Variants in KDM4B observed in about 807,000 individuals in gnomAD.
The protein encoded by KDM4B is lysine demethylase 4B, also known as lysine-specific demethylase 4B.
Under a neutral mutation model 125.2 loss-of-function variants are expected in KDM4B, and 32 were observed. The ratio of observed to expected loss-of-function variants is 0.26; its 90% CI spans 0.19 to 0.34. The LOEUF (loss-of-function observed/expected upper bound fraction) is 0.34, where lower values mean the gene tolerates loss of function less well. Among genes scored for constraint, KDM4B ranks in the 10% least tolerant of loss-of-function variants. The probability of loss-of-function intolerance (pLI) is 1.00; values close to 1 mark genes in which losing one functional copy is unlikely to be tolerated. For missense variants in KDM4B, 1,190 were observed against 1,577.7 expected (o/e 0.75, Z 4.16); for synonymous variants, 721 against 677.9 (o/e 1.06, Z -0.99).
At chr19:5,084,275 ATGTAATTTATATG>A (rs1409807914) in intron 9 of KDM4B, among the ~76,000 whole-genome samples, 1 of 146,932 alleles carries the variant, frequency 6.8e-6, no homozygotes, top group East Asian at 1.9e-4. Flanking sequence ...TATATTATAT[ATGTAATTTATATG>A]TTATATATAA....
intron 3 of KDM4B, among the ~76,000 whole-genome samples, chr19:5,039,252 T>A (rs552617090): frequency 6.6e-6 from 1 of 152,330 alleles, no homozygotes; most frequent in African/African-American, 2.4e-5. Context: ...GAGACCAGCC[T>A]GTGCAACAAA....
chr19:5,017,442 C>T (rs1302143121), intron 2 of KDM4B, among the ~76,000 whole-genome samples: 2 of 152,164 alleles, frequency 1.3e-5, no homozygotes, highest in Non-Finnish European at 2.9e-5. Flanking sequence ...GAACAGAGGG[C>T]GTGGCCTGCG....
intron 1 of KDM4B, among the ~76,000 whole-genome samples, chr19:4,975,265 G>A (rs879639651): frequency 3.3e-5 from 5 of 152,198 alleles, no homozygotes; most frequent in Non-Finnish European, 7.3e-5. Context: ...CCGTGGGCGA[G>A]TGTGCCTGTG....
intron 6 of KDM4B, among the ~76,000 whole-genome samples, chr19:5,063,711 G>T (rs1016909137): frequency 6.6e-6 from 1 of 152,216 alleles, no homozygotes; most frequent in East Asian, 1.9e-4. Flanking sequence ...AGGTCCTCAG[G>T]TTCCTGTGAA....
At chr19:5,068,230 C>G (rs747001787) in intron 6 of KDM4B, among the ~76,000 whole-genome samples, 11 of 152,162 alleles carry the variant, frequency 7.2e-5, no homozygotes, top group Non-Finnish European at 1.2e-4. Context: ...GCTGAGACGC[C>G]CCTCTGGGAG....
chr19:5,090,954 C>T (rs971802716), intron 9 of KDM4B, among the ~76,000 whole-genome samples: 1 of 152,060 alleles, frequency 6.6e-6, no homozygotes, highest in Non-Finnish European at 1.5e-5. Context: ...TCCAAGGCGG[C>T]GGCTTCCTGT....
chr19:5,086,171 C>T, intron 9 of KDM4B, among the ~76,000 whole-genome samples: 1 of 152,160 alleles, frequency 6.6e-6, no homozygotes, highest in East Asian at 1.9e-4. Context: ...TGTTCACCTT[C>T]CTTGACCGCT....
intron 1 of KDM4B, among the ~76,000 whole-genome samples, chr19:4,989,383 GCTGGAGTGCAGTGGC>G (rs1408956980): frequency 6.6e-6 from 1 of 152,128 alleles, no homozygotes; most frequent in Non-Finnish European, 1.5e-5. Context: ...TGTCGCCCAG[GCTGGAGTGCAGTGGC>G]ACGATCTTGG....
intron 22 of KDM4B, among the ~76,000 whole-genome samples, chr19:5,150,723 G>T (rs964992119): frequency 1.3e-5 from 2 of 152,082 alleles, no homozygotes; most frequent in Non-Finnish European, 2.9e-5. Context: ...CCCTTATCAC[G>T]AATGCAGAAC....
At chr19:5,047,434 G>A in intron 5 of KDM4B, 42 bp from the exon 6 acceptor site, 2 of 1,560,520 alleles carry the variant, frequency 1.3e-6, no homozygotes, top group Non-Finnish European at 1.7e-6. Flanking sequence ...CAGGTTCTGG[G>A]GGTGGCCGGG....
intron 9 of KDM4B, among the ~76,000 whole-genome samples, chr19:5,094,133 G>A (rs1047801845): frequency 5.3e-5 from 8 of 152,138 alleles, no homozygotes; most frequent in African/African-American, 1.2e-4. Flanking sequence ...ATGGTCACGC[G>A]GCCCCTCCTC....
chr19:5,018,814 G>C (rs140241034), intron 2 of KDM4B, among the ~76,000 whole-genome samples: 173 of 152,350 alleles, frequency 1.1e-3, no homozygotes, highest in Non-Finnish European at 2.0e-3. Flanking sequence ...ATCGCGCACT[G>C]TGTGGCCTTT....
intron 9 of KDM4B, among the ~76,000 whole-genome samples, chr19:5,083,109 A>C (rs2038355428): frequency 6.6e-6 from 1 of 151,556 alleles, no homozygotes; most frequent in Non-Finnish European, 1.5e-5. Context: ...CCCTTGCTTG[A>C]TTTTTTTCTG....
rs755137841 is a variant in KDM4B, at chr19:5,132,019, G to T, written c.1906+12G>T. ...CTCAAGTGACGAGGGTGAGTGGGGG[G>T]TCCCCAGGTCGGCTCTCATCAGCCC... On this transcript the variant is annotated intron_variant, in intron 13 of 22. Coordinates refer to ENST00000159111, the MANE Select transcript of KDM4B (RefSeq NM_015015.3). 3 of 1,597,486 alleles carry T rather than the reference G, an allele frequency of 1.9e-6. No homozygotes were observed. The highest frequency in any genetic ancestry group is 1.3e-5 in the African/African-American group (1 of 74,678).
intron 2 of KDM4B, among the ~76,000 whole-genome samples, chr19:5,030,717 T>C (rs1388300513): frequency 1.3e-5 from 2 of 152,244 alleles, no homozygotes; most frequent in South Asian, 4.1e-4. Flanking sequence ...CCGTGTGGCC[T>C]AGGCCCACAA....
At chr19:5,007,476 A>T (rs1346201474) in intron 1 of KDM4B, among the ~76,000 whole-genome samples, 2 of 151,112 alleles carry the variant, frequency 1.3e-5, no homozygotes, top group Non-Finnish European at 2.9e-5. Context: ...CAAGTTCCTT[A>T]TCAGATAATG....
chr19:5,041,169 A>T lies in KDM4B; in HGVS notation c.350A>T (p.Asp117Val). ...ACCCCGCGGCACCAGGACTTTGATG[A>T]CCTTGAACGCAAATACTGGAAGAAC... is the stretch of plus-strand genomic sequence containing the variant. ...YCTPRHQDFD[D>V]LERKYWKNLT... The change falls in exon 5 of 23, where the codon GAC becomes GTC. Residue 117 changes from aspartate to valine, a missense_variant. Asp to Val is a radical substitution (Grantham distance 152). Coordinates refer to ENST00000159111, the MANE Select transcript of KDM4B (RefSeq NM_015015.3). 1 of 1,612,682 alleles carries T rather than the reference A, an allele frequency of 6.2e-7. No homozygotes were observed. The highest frequency in any genetic ancestry group is 8.5e-7 in the Non-Finnish European group (1 of 1,179,080).
chr19:5,104,747 A>G (rs901050496), intron 9 of KDM4B, among the ~76,000 whole-genome samples: 1 of 152,092 alleles, frequency 6.6e-6, no homozygotes, highest in Non-Finnish European at 1.5e-5. Context: ...ACACCCCCCA[A>G]AAATTAGAAA....
intron 2 of KDM4B, among the ~76,000 whole-genome samples, chr19:5,016,870 T>A (rs62114350): frequency 6.6e-6 from 1 of 151,946 alleles, no homozygotes; most frequent in Non-Finnish European, 1.5e-5. Flanking sequence ...CACAAAGAGG[T>A]GCCTCTGGTG....
Sources: gnomAD v4.1 joint callset for allele counts (sites outside exome capture counted in the v4.1 genomes callset) on GRCh38, gnomAD v4.1.1 for gene constraint, MANE v1.5 for transcripts, NCBI Gene and HGNC (gene_info 2026-07-23, HGNC 2026-07-21) for gene names.